SGCZ: variants seen among roughly 807,000 people sequenced by gnomAD.
SGCZ encodes the protein zeta-sarcoglycan.
Under a neutral mutation model 41.3 loss-of-function variants are expected in SGCZ, and 40 were observed. The ratio of observed to expected loss-of-function variants is 0.97; its 90% CI spans 0.75 to 1.26. The LOEUF is 1.26. SGCZ is among the 50% of genes most tolerant of loss of function. The pLI is 0.00. For missense variants in SGCZ, 552 were observed against 369.8 expected (o/e 1.49, Z -4.04); for synonymous variants, 206 against 137.5 (o/e 1.50, Z -3.49).
At chr8:14,838,259 T>C (rs144183672) in intron 1 of SGCZ, among the ~76,000 whole-genome samples, 48 of 152,070 alleles carry the variant, frequency 3.2e-4, no homozygotes, top group Admixed American at 1.6e-3. Flanking sequence ...AGTAGCACAA[T>C]AGGATGACTA....
At chr8:14,910,889 T>C (rs1197733765) in intron 1 of SGCZ, among the ~76,000 whole-genome samples, 6 of 151,990 alleles carry the variant, frequency 3.9e-5, no homozygotes, top group South Asian at 2.1e-4. Context: ...TCCTAGAAGA[T>C]ATATAAGCTT....
At chr8:14,274,900 C>T (rs530028634) in intron 3 of SGCZ, among the ~76,000 whole-genome samples, 1 of 151,972 alleles carries the variant, frequency 6.6e-6, no homozygotes, top group Non-Finnish European at 1.5e-5. Flanking sequence ...AAAATTGTGA[C>T]CCTACATTCA....
At chr8:15,082,023 A>G (rs1805768693) in intron 1 of SGCZ, among the ~76,000 whole-genome samples, 1 of 152,016 alleles carries the variant, frequency 6.6e-6, no homozygotes, top group Admixed American at 6.6e-5. Flanking sequence ...TAAGAATAAG[A>G]ACTGCGACCA....
At chr8:14,399,166 T>C (rs1031919882) in intron 2 of SGCZ, among the ~76,000 whole-genome samples, 3 of 152,130 alleles carry the variant, frequency 2.0e-5, no homozygotes, top group South Asian at 2.1e-4. Context: ...ATTTAAAATA[T>C]TGTTGTGTAT....
intron 1 of SGCZ, among the ~76,000 whole-genome samples, chr8:14,832,934 C>A (rs757045030): frequency 1.3e-4 from 20 of 151,934 alleles, no homozygotes; most frequent in Non-Finnish European, 2.2e-4. Flanking sequence ...TGCATATATT[C>A]ATAATTCAAT....
intron 2 of SGCZ, among the ~76,000 whole-genome samples, chr8:14,476,891 T>C (rs1055857791): frequency 6.6e-6 from 1 of 152,156 alleles, no homozygotes; most frequent in Non-Finnish European, 1.5e-5. Context: ...GAGACAGACA[T>C]TCATGTACTC....
intron 1 of SGCZ, among the ~76,000 whole-genome samples, chr8:14,766,598 G>A (rs930321215): frequency 6.6e-6 from 1 of 151,696 alleles, no homozygotes; most frequent in South Asian, 2.1e-4. Flanking sequence ...GTTTCATTCT[G>A]TCACCCAGGC....
intron 1 of SGCZ, among the ~76,000 whole-genome samples, chr8:15,026,065 G>A (rs975300277): frequency 2.0e-5 from 3 of 151,148 alleles, no homozygotes; most frequent in African/African-American, 4.9e-5. Context: ...CATACTCCAC[G>A]CGTTTTCTTT....
chr8:15,093,123 A>T (rs1357546117), intron 1 of SGCZ, among the ~76,000 whole-genome samples: 1 of 152,062 alleles, frequency 6.6e-6, no homozygotes, highest in East Asian at 1.9e-4. Flanking sequence ...CAGCCATAAT[A>T]AAAAAAATCA....
intron 2 of SGCZ, among the ~76,000 whole-genome samples, chr8:14,535,532 C>T (rs1319541537): frequency 6.6e-6 from 1 of 151,858 alleles, no homozygotes; most frequent in East Asian, 1.9e-4. Flanking sequence ...ATTTCATCTA[C>T]CCCAAAATAC....
At chr8:14,526,393 G>T (rs1802951080) in intron 2 of SGCZ, among the ~76,000 whole-genome samples, 1 of 151,980 alleles carries the variant, frequency 6.6e-6, no homozygotes, top group Non-Finnish European at 1.5e-5. Flanking sequence ...TAGAATATTA[G>T]CTTAACAAAA....
intron 5 of SGCZ, among the ~76,000 whole-genome samples, chr8:14,139,322 A>G (rs1412411542): frequency 2.6e-5 from 4 of 152,210 alleles, no homozygotes; most frequent in Non-Finnish European, 5.9e-5. Context: ...AAGCTAGCAG[A>G]AGGCAAGAAA....
intron 1 of SGCZ, among the ~76,000 whole-genome samples, chr8:14,735,889 C>T (rs12544246): frequency 0.26 from 38,765 of 151,820 alleles, 5,198 homozygotes; most frequent in East Asian, 0.41. Flanking sequence ...GTTGGAGGCA[C>T]CAAGAGCGAG....
At chr8:14,250,747 C>T (rs529801766) in intron 3 of SGCZ, among the ~76,000 whole-genome samples, 2 of 152,260 alleles carry the variant, frequency 1.3e-5, no homozygotes, top group South Asian at 4.1e-4. Flanking sequence ...AGCCCTTGCT[C>T]TCCTCTGTAG....
chr8:14,609,357 C>G (rs982437967), intron 1 of SGCZ, among the ~76,000 whole-genome samples: 1 of 151,944 alleles, frequency 6.6e-6, no homozygotes, highest in Non-Finnish European at 1.5e-5. Context: ...TGGAACAGAA[C>G]CAAACAAAAG....
At chr8:14,248,471 G>A (rs1277844208) in intron 3 of SGCZ, among the ~76,000 whole-genome samples, 2 of 152,122 alleles carry the variant, frequency 1.3e-5, no homozygotes, top group African/African-American at 4.8e-5. Flanking sequence ...TAGAAAGTAA[G>A]TAGGGAACTA....
At chr8:14,955,805 T>G (rs1434116711) in intron 1 of SGCZ, among the ~76,000 whole-genome samples, 1 of 152,160 alleles carries the variant, frequency 6.6e-6, no homozygotes, top group African/African-American at 2.4e-5. Context: ...CAAAACTTTT[T>G]TATCAGTTTT....
intron 2 of SGCZ, among the ~76,000 whole-genome samples, chr8:14,384,605 G>C (rs11780485): frequency 6.6e-6 from 1 of 152,050 alleles, no homozygotes; most frequent in Non-Finnish European, 1.5e-5. Context: ...TGTTGCCCAG[G>C]CTGGAGTGCA....
chr8:15,154,981 T>A (rs1165236105), intron 1 of SGCZ, among the ~76,000 whole-genome samples: 3 of 152,140 alleles, frequency 2.0e-5, no homozygotes, highest in Non-Finnish European at 4.4e-5. Context: ...CGATTTTGAA[T>A]ATTCCCAACA....
Sources: allele counts gnomAD v4.1 joint callset (sites outside exome capture counted in the v4.1 genomes callset), GRCh38; gene constraint gnomAD v4.1.1; transcripts MANE v1.5; gene names NCBI Gene and HGNC (gene_info 2026-07-23, HGNC 2026-07-21).